The following LAMA5 variants were observed in gnomAD, a reference collection of about 807,000 sequenced individuals.
The protein encoded by LAMA5 is laminin subunit alpha 5, also known as laminin subunit alpha-5.
Under a neutral mutation model 433.4 loss-of-function variants are expected in LAMA5, and 260 were observed. That is an observed-to-expected ratio of 0.60 (90% confidence interval 0.54 to 0.66). The LOEUF is 0.66. Among genes scored for constraint, LAMA5 ranks in the 30% least tolerant of loss-of-function variants. The pLI, the probability that LAMA5 is intolerant of heterozygous loss-of-function variation, is 0.00. For missense variants in LAMA5, 5,378 were observed against 5,258.5 expected (o/e 1.02, Z -0.70); for synonymous variants, 2,620 against 2,226.6 (o/e 1.18, Z -4.97).
rs778471372 is a variant in LAMA5, at chr20:62,324,418, T to C, written c.5643+23A>G. 4 of 1,577,268 alleles carry C rather than the reference T, an allele frequency of 2.5e-6. No homozygotes were observed. The highest frequency in any genetic ancestry group is 3.5e-6 in the Non-Finnish European group (4 of 1,151,078). ...GTGCCTTCAGTGAATGCTGCCCCCC[T>C]GGCCCCACCAGCCCCTACTCACCAC... is the stretch of plus-strand genomic sequence containing the variant. On this transcript the variant is annotated intron_variant, in intron 42 of 79. Coordinates refer to ENST00000252999, the MANE Select transcript of LAMA5 (RefSeq NM_005560.6). The surrounding 1 kb of genome is among the most constrained non-coding windows in gnomAD (Gnocchi z 4.4).
At chr20:62,342,627 C>T (rs1230134546) in intron 11 of LAMA5, among the ~76,000 whole-genome samples, 3 of 151,846 alleles carry the variant, frequency 2.0e-5, no homozygotes, top group South Asian at 2.1e-4. Flanking sequence ...TGCAGTGAGC[C>T]GAGATCGTGC....
At chr20:62,339,231 CTTTTTTT>C (rs151158845) in intron 11 of LAMA5, among the ~76,000 whole-genome samples, 1 of 55,958 alleles carries the variant, frequency 1.8e-5, no homozygotes, top group Admixed American at 2.9e-4. Context: ...ATTATAGTTT[CTTTTTTT>C]TTTTTTTTTT....
rs186119136 is a variant in LAMA5, at chr20:62,311,687, G to A, written c.9733C>T (p.Leu3245Phe). Residue 3245 changes from leucine (L) to phenylalanine (F), a missense_variant, in exon 71 of 80, where the codon CTC becomes TTC. By Grantham distance (22) the Leu-to-Phe change is conservative. Transcript: ENST00000252999. ...QPQPEGPPRLLLGGLPESGTI... is the reference protein window; with the variant it reads ...QPQPEGPPRLFLGGLPESGTI... Reference sequence around the variant, plus strand: ...CCAGACTCAGGCAGGCCTCCCAGGAGGAGCCTCGGGGGCCCCTCAGGCTGC... The same window carrying A: ...CCAGACTCAGGCAGGCCTCCCAGGAAGAGCCTCGGGGGCCCCTCAGGCTGC... 913 of 1,582,508 alleles carry A rather than the reference G, an allele frequency of 5.8e-4. 4 individuals are homozygous for A. The African/African-American group carries it at 0.012, about 20-fold the overall frequency.
In LAMA5 at chr20:62,333,379, C is replaced by T. The variant is rs141573440; in HGVS notation, c.3124G>A (p.Asp1042Asn). 32 of 1,612,468 alleles carry T rather than the reference C, an allele frequency of 2.0e-5. No individual in the cohort carries two copies. Among genetic ancestry groups the T allele is most frequent in the Admixed American group, 6.7e-5 (4 of 59,990 alleles). Residue 1042 changes from aspartate to asparagine, a missense_variant, in exon 25 of 80, where the codon GAC becomes AAC. Coordinates refer to ENST00000252999, the MANE Select transcript of LAMA5 (RefSeq NM_005560.6). ...TYRPSAQQSG[D>N]NCLLYTHLPL... ...CACCGCACGCATGGCCCTCACTTGTCGCCAGACTGCTGGGCAGAGGGACGG... is the reference window on the plus strand; with the variant it reads ...CACCGCACGCATGGCCCTCACTTGTTGCCAGACTGCTGGGCAGAGGGACGG...
In LAMA5 at chr20:62,314,978, C is replaced by T. The variant is rs546619467; in HGVS notation, c.8048-31G>A. 4.8e-5 allele frequency: 76 copies of T among 1,576,730 alleles called. No individual in the cohort carries two copies. The South Asian group carries it at 7.6e-4, about 16-fold the overall frequency. On this transcript the variant is annotated intron_variant, in intron 59 of 79. Transcript: ENST00000252999. Reference sequence around the variant, plus strand: ...GAGAGGGAGACCTGAGACCTTTGCCCCCCACCGTGCCCGCCTCCATCAGGG... The same window carrying T: ...GAGAGGGAGACCTGAGACCTTTGCCTCCCACCGTGCCCGCCTCCATCAGGG...
chr20:62,332,588 C>T lies in LAMA5; in HGVS notation c.3412G>A (p.Gly1138Arg). ...VHTPQRAPQQ[G>R]LLSLHPCLYS... The stretch of plus-strand genomic sequence containing the variant: ...AGGCAGGGGTGCAGGGAGAGCAGCC[C>T]CTGCTGGGGGGCCCGCTGTGGGGTG... The change falls in exon 27 of 80, where the codon GGG becomes AGG. Residue 1138 changes from glycine to arginine, a missense_variant. Coordinates refer to ENST00000252999, the MANE Select transcript of LAMA5 (RefSeq NM_005560.6). The T allele has an allele frequency of 1.3e-6, 2 of 1,593,540 alleles. No individual in the cohort carries two copies. The highest frequency in any genetic ancestry group is 4.5e-5 in the East Asian group (2 of 44,168).
chr20:62,334,445 G>A (rs1479721000), intron 21 of LAMA5, 77 bp downstream of exon 21: 2 of 1,515,210 alleles, frequency 1.3e-6, no homozygotes, highest in Admixed American at 2.0e-5. Flanking sequence ...GTGGGCCCAT[G>A]GTGAGGGACA....
rs369751618 is a variant in LAMA5, at chr20:62,311,315, C to A, written c.9943-8G>T. 827 of 1,556,242 alleles carry A rather than the reference C, an allele frequency of 5.3e-4. 3 individuals carry two copies. In the African/African-American group the frequency reaches 9.9e-3, roughly 19 times the overall value. On this transcript the variant is annotated splice_polypyrimidine_tract_variant and splice_region_variant and intron_variant, in intron 72 of 79. Transcript: ENST00000252999. ...ACGGCTGCGGCGGGAGGCCTGGGGG[C>A]GTGGATGGTGAATGCAGGGGCCGCC... is the stretch of plus-strand genomic sequence containing the variant.
intron 28 of LAMA5, among the ~76,000 whole-genome samples, chr20:62,331,518 C>T (rs1045914447): frequency 6.6e-6 from 1 of 152,098 alleles, no homozygotes; most frequent in Non-Finnish European, 1.5e-5. Flanking sequence ...TCCTCCCCCT[C>T]GCCCTCCCAT....
intron 2 of LAMA5, chr20:62,355,455 G>A (rs779935820): frequency 6.6e-6 from 1 of 152,454 alleles, no homozygotes; most frequent in Non-Finnish European, 1.5e-5. Flanking sequence ...TTCAGCCCTT[G>A]GGGGCACCAG....
At chr20:62,327,142 T>C in intron 38 of LAMA5, 91 bp downstream of exon 38, 1 of 1,316,820 alleles carries the variant, frequency 7.6e-7, no homozygotes, top group Non-Finnish European at 1.0e-6. Flanking sequence ...GAGCTCCCCC[T>C]CCCTGGACAG....
At chr20:62,317,597 C>A in intron 54 of LAMA5, 65 bp downstream of exon 54, 1 of 1,517,906 alleles carries the variant, frequency 6.6e-7, no homozygotes, top group Non-Finnish European at 8.9e-7. Flanking sequence ...CACAAAGCTG[C>A]CCACGGGCCT....
chr20:62,366,359 C>T (rs1986725078), intron 1 of LAMA5, among the ~76,000 whole-genome samples: 1 of 152,214 alleles, frequency 6.6e-6, no homozygotes, highest in Non-Finnish European at 1.5e-5. Context: ...AGACTGAAGC[C>T]CCCGGACCCT....
intron 58 of LAMA5, among the ~76,000 whole-genome samples, chr20:62,315,734 T>C (rs1346621632): frequency 6.6e-6 from 1 of 152,134 alleles, no homozygotes; most frequent in Non-Finnish European, 1.5e-5. Flanking sequence ...CCAAAGCACT[T>C]CCAAGCTTGC....
intron 70 of LAMA5, 32 bp from the exon 71 acceptor site, chr20:62,311,816 T>TGGGCCCCCCCGCCC: frequency 6.6e-7 from 1 of 1,521,014 alleles, no homozygotes; most frequent in African/African-American, 1.4e-5. Context: ...GCTCGGTTTT[T>TGGGCCCCCCCGCCC]CCCCACCCTG....
chr20:62,314,837 G>A lies in LAMA5; in HGVS notation c.8158C>T (p.Arg2720Ter). ...CCCCGGGCCTGGGCAATGAGCTCTC[G>A]CACGCGGCCAATGCTGGCGGACAGG... ...LALSASIGRV[R>*]ELIAQARGAA... Residue 2720 changes from arginine (R) to a stop codon, truncating the protein, a stop_gained, in exon 60 of 80, where the codon CGA (arginine) becomes TGA (stop). Transcript: ENST00000252999. LOFTEE classifies it high-confidence loss of function. The A allele has an allele frequency of 3.1e-6, 5 of 1,612,794 alleles. No individual in the cohort carries two copies. The highest frequency in any genetic ancestry group is 1.3e-5 in the African/African-American group (1 of 75,036).
At chr20:62,330,152 G>A (rs535009269) in intron 31 of LAMA5, among the ~76,000 whole-genome samples, 2 of 152,374 alleles carry the variant, frequency 1.3e-5, no homozygotes, top group South Asian at 2.1e-4. Flanking sequence ...CTCCATGTGC[G>A]GGACCCCAGG....
chr20:62,353,125 G>T lies in LAMA5; in HGVS notation c.568+9C>A. On this transcript the variant is annotated intron_variant, in intron 3 of 79. Coordinates refer to ENST00000252999, the MANE Select transcript of LAMA5 (RefSeq NM_005560.6). ...TCTCCCCCCAGGCCCCACGGCGGCA[G>T]AGACTCACAGGCAAAGAACTGCCAG... is the stretch of plus-strand genomic sequence containing the variant. 1 of 1,561,590 alleles carries T rather than the reference G, an allele frequency of 6.4e-7. No homozygotes were observed.
At chr20:62,331,962 G>A (rs774154223) in intron 28 of LAMA5, among the ~76,000 whole-genome samples, 28 of 151,898 alleles carry the variant, frequency 1.8e-4, no homozygotes, top group Non-Finnish European at 3.5e-4. Flanking sequence ...TGAGGCACGA[G>A]AATCGCTTGA....
Sources: gnomAD v4.1 joint callset for allele counts (sites outside exome capture counted in the v4.1 genomes callset) on GRCh38, gnomAD v4.1.1 for gene constraint, Gnocchi (gnomAD v3.1) non-coding constraint, MANE v1.5 for transcripts, NCBI Gene and HGNC (gene_info 2026-07-23, HGNC 2026-07-21) for gene names.